Variants in INPP4B observed in about 807,000 individuals in gnomAD.
INPP4B encodes the protein inositol polyphosphate-4-phosphatase type II B.
INPP4B carries 55 observed loss-of-function variants against 122.5 expected under a neutral mutation model. The ratio of observed to expected loss-of-function variants is 0.45; its 90% CI spans 0.36 to 0.56. INPP4B has a LOEUF of 0.56. Among genes scored for constraint, INPP4B ranks in the 20% least tolerant of loss-of-function variants. The pLI, the probability that INPP4B is intolerant of heterozygous loss-of-function variation, is 0.00. For synonymous variants in INPP4B, 403 were observed against 388.7 expected (o/e 1.04, Z -0.43); for missense variants, 1,000 against 1,097.7 (o/e 0.91, Z 1.26).
intron 25 of INPP4B, among the ~76,000 whole-genome samples, chr4:142,035,527 C>A (rs1057134098): frequency 6.6e-6 from 1 of 152,154 alleles, no homozygotes; most frequent in Non-Finnish European, 1.5e-5. Flanking sequence ...ACTAACCTAG[C>A]CCACTGGTGT....
At chr4:142,285,888 C>T (rs1753425781) in intron 9 of INPP4B, among the ~76,000 whole-genome samples, 2 of 152,058 alleles carry the variant, frequency 1.3e-5, no homozygotes, top group South Asian at 2.1e-4. Context: ...GCAGACAGGG[C>T]AACATTAATT....
At chr4:142,189,056 T>C (rs1834538890) in intron 15 of INPP4B, among the ~76,000 whole-genome samples, 1 of 152,160 alleles carries the variant, frequency 6.6e-6, no homozygotes, top group Non-Finnish European at 1.5e-5. Context: ...ATGCAAAAAG[T>C]CTCCTATTTA....
chr4:142,163,685 T>C (rs1394101742), intron 16 of INPP4B, among the ~76,000 whole-genome samples: 1 of 151,790 alleles, frequency 6.6e-6, no homozygotes, highest in East Asian at 1.9e-4. Flanking sequence ...AAAAAAACAG[T>C]ATATACAGGG....
At chr4:142,116,389 C>G (rs551053538) in intron 21 of INPP4B, among the ~76,000 whole-genome samples, 1 of 152,208 alleles carries the variant, frequency 6.6e-6, no homozygotes, top group South Asian at 2.1e-4. Context: ...ACACTTATTC[C>G]AAAATTGACC....
chr4:142,148,778 T>A (rs1467239798), intron 17 of INPP4B, among the ~76,000 whole-genome samples: 1 of 152,170 alleles, frequency 6.6e-6, no homozygotes, highest in African/African-American at 2.4e-5. Context: ...GTGAAGCATG[T>A]TCATTGGCTA....
intron 1 of INPP4B, among the ~76,000 whole-genome samples, chr4:142,768,824 T>C (rs1274855731): frequency 6.6e-6 from 1 of 152,156 alleles, no homozygotes; most frequent in African/African-American, 2.4e-5. Flanking sequence ...GGTCAAGATG[T>C]GGTCATAAAG....
chr4:142,680,712 G>C (rs1758494987), intron 2 of INPP4B, among the ~76,000 whole-genome samples: 1 of 151,848 alleles, frequency 6.6e-6, no homozygotes, highest in South Asian at 2.1e-4. Context: ...CAGTTCTACA[G>C]TTAGGCTGCC....
chr4:142,522,374 T>C (rs1341883058), intron 2 of INPP4B, among the ~76,000 whole-genome samples: 1 of 128,716 alleles, frequency 7.8e-6, no homozygotes, highest in Non-Finnish European at 1.6e-5. Flanking sequence ...TTTCCCTATG[T>C]TGCCCAGGCT....
intron 1 of INPP4B, among the ~76,000 whole-genome samples, chr4:142,839,472 G>A (rs758976669): frequency 2.6e-5 from 4 of 152,024 alleles, no homozygotes; most frequent in Non-Finnish European, 5.9e-5. Flanking sequence ...GACATAAACT[G>A]AAGTCTATAC....
chr4:142,480,739 T>C (rs780687096), intron 2 of INPP4B, among the ~76,000 whole-genome samples: 34 of 152,100 alleles, frequency 2.2e-4, no homozygotes, highest in Admixed American at 1.8e-3. Flanking sequence ...GCATCTAAAA[T>C]AGCTGAAGAC....
At chr4:142,768,975 T>C (rs184901926) in intron 1 of INPP4B, among the ~76,000 whole-genome samples, 1 of 152,316 alleles carries the variant, frequency 6.6e-6, no homozygotes, top group East Asian at 1.9e-4. Flanking sequence ...AAGGATCAGA[T>C]GGTATTCTAT....
chr4:142,252,479 C>T (rs556444088), intron 11 of INPP4B, among the ~76,000 whole-genome samples: 31 of 152,174 alleles, frequency 2.0e-4, no homozygotes, highest in African/African-American at 6.0e-4. Flanking sequence ...TGAGCCACCG[C>T]GCCCGGCCAG....
At chr4:142,265,110 G>C (rs1468875695) in intron 10 of INPP4B, among the ~76,000 whole-genome samples, 1 of 152,148 alleles carries the variant, frequency 6.6e-6, no homozygotes, top group Non-Finnish European at 1.5e-5. Context: ...GAACTGAACA[G>C]GCTGGCACCT....
intron 11 of INPP4B, among the ~76,000 whole-genome samples, chr4:142,244,217 G>A (rs555384340): frequency 6.0e-5 from 9 of 150,140 alleles, no homozygotes; most frequent in Admixed American, 1.3e-4. Flanking sequence ...CAGCTTCATC[G>A]ATGTCCCTGC....
chr4:142,281,342 T>TC (rs1409153005), intron 9 of INPP4B, among the ~76,000 whole-genome samples: 3 of 151,684 alleles, frequency 2.0e-5, no homozygotes, highest in African/African-American at 7.3e-5. Context: ...CTAAGCATTT[T>TC]TTTTTTTTTG....
chr4:142,748,317 C>T (rs983318298), intron 1 of INPP4B, among the ~76,000 whole-genome samples: 1 of 151,468 alleles, frequency 6.6e-6, no homozygotes, highest in Admixed American at 6.6e-5. Flanking sequence ...AAGTTTCTGA[C>T]TTAAAAAAAT....
At chr4:142,518,485 C>T (rs114262788) in intron 2 of INPP4B, among the ~76,000 whole-genome samples, 2,526 of 152,192 alleles carry the variant, frequency 0.017, 36 homozygotes, top group Non-Finnish European at 0.028. Flanking sequence ...CATGCTATGT[C>T]TTTCCCTCCC....
At chr4:142,506,303 C>T (rs1225792776) in intron 2 of INPP4B, among the ~76,000 whole-genome samples, 1 of 152,180 alleles carries the variant, frequency 6.6e-6, no homozygotes, top group African/African-American at 2.4e-5. Flanking sequence ...GTGCCAGACA[C>T]TCCCACCCAG....
At chr4:142,684,465 T>A (rs1311746211) in intron 2 of INPP4B, among the ~76,000 whole-genome samples, 2 of 152,000 alleles carry the variant, frequency 1.3e-5, no homozygotes, top group Non-Finnish European at 2.9e-5. Flanking sequence ...TTTAATGATA[T>A]GAATGAAGTC....
Sources: allele counts gnomAD v4.1 joint callset (sites outside exome capture counted in the v4.1 genomes callset), GRCh38; gene constraint gnomAD v4.1.1; transcripts MANE v1.5; gene names NCBI Gene and HGNC (gene_info 2026-07-23, HGNC 2026-07-21).